Variants in XKR9 observed in about 807,000 individuals in gnomAD.
The protein encoded by XKR9 is XK related 9, also known as XK-related protein 9.
In XKR9, 32 loss-of-function variants were observed where a neutral mutation model predicts 32.0. That is an observed-to-expected ratio of 1.00 (90% confidence interval 0.76 to 1.34). XKR9 has a LOEUF of 1.34. Among genes scored for constraint, XKR9 ranks in the 40% most tolerant of loss-of-function variants. The pLI is 0.00. For synonymous variants in XKR9, 168 were observed against 143.4 expected, an observed-to-expected ratio of 1.17 and a Z score of -1.22; for missense variants, 546 against 429.7, an observed-to-expected ratio of 1.27 and a Z score of -2.39.
At chr8:70,691,686 C>T (rs1317133205) in intron 3 of XKR9, among the ~76,000 whole-genome samples, 3 of 151,924 alleles carry the variant, frequency 2.0e-5, no homozygotes, top group Non-Finnish European at 4.4e-5. Context: ...TTCCCCATTG[C>T]TTGTTTTTGT....
chr8:70,694,837 T>C (rs1308998432), intron 3 of XKR9, among the ~76,000 whole-genome samples: 1 of 152,230 alleles, frequency 6.6e-6, no homozygotes, highest in African/African-American at 2.4e-5. Flanking sequence ...AACATCCTAC[T>C]TTGCCATAGC....
chr8:70,705,386 G>A (rs1011619481), intron 3 of XKR9, among the ~76,000 whole-genome samples: 2 of 152,054 alleles, frequency 1.3e-5, no homozygotes, highest in African/African-American at 2.4e-5. Context: ...AATAATATAG[G>A]GTAAAGAGAT....
At chr8:70,722,054 C>T (rs886133790) in intron 4 of XKR9, among the ~76,000 whole-genome samples, 3 of 151,922 alleles carry the variant, frequency 2.0e-5, no homozygotes, top group South Asian at 2.1e-4. Context: ...ATATGTAATG[C>T]CCTTCTTTGT....
intron 2 of XKR9, among the ~76,000 whole-genome samples, chr8:70,756,684 A>G (rs1238856957): frequency 6.6e-6 from 1 of 152,208 alleles, no homozygotes; most frequent in Non-Finnish European, 1.5e-5. Context: ...GTATAGACAT[A>G]CTATTGATTT....
At position 70,735,327 on chromosome 8, in the gene XKR9, C is replaced by A. The variant is rs1806829416; in HGVS notation, c.*903C>A. 6.6e-6 allele frequency: 1 copy of A among 151,760 alleles called. No homozygotes were observed. The highest frequency in any genetic ancestry group is 1.5e-5 in the Non-Finnish European group (1 of 67,948). The allele number at this position is 151,760 out of a possible 1,614,324, so 9.4% of individuals were successfully genotyped here. A position where few individuals can be genotyped will look rare whatever the true frequency, so the allele number is the denominator to read the frequency against. Reference sequence around the variant, plus strand: ...TCTATGAGTTTGAATACTTTAGATACCTTGTTGCCATGGTTTGAATGTGCC... The same window carrying A: ...TCTATGAGTTTGAATACTTTAGATAACTTGTTGCCATGGTTTGAATGTGCC... On this transcript the variant is annotated 3_prime_UTR_variant, in exon 5 of 5. Coordinates refer to ENST00000408926, the MANE Select transcript of XKR9 (RefSeq NM_001011720.2).
chr8:70,844,735 G>A, the XKR9 span, among the ~76,000 whole-genome samples: 1 of 152,254 alleles, frequency 6.6e-6, no homozygotes, highest in Non-Finnish European at 1.5e-5. Flanking sequence ...CCAGCCTGCT[G>A]CTAATGCCAT....
At chr8:70,777,454 T>C (rs1457806972) in intron 2 of XKR9, among the ~76,000 whole-genome samples, 1 of 152,204 alleles carries the variant, frequency 6.6e-6, no homozygotes, top group East Asian at 1.9e-4. Context: ...TGATTTATAA[T>C]CCTTTGGGTA....
chr8:71,040,643 T>C, the XKR9 span, among the ~76,000 whole-genome samples: 14 of 152,158 alleles, frequency 9.2e-5, no homozygotes, highest in Admixed American at 9.2e-4. Context: ...TGTGTTCTGT[T>C]TCATCATTAT....
chr8:70,734,134 A>C lies in XKR9; in HGVS notation c.832A>C (p.Ile278Leu). ...GFILIFTFFNIKGQNTKCPMS... is the reference protein window; with the variant it reads ...GFILIFTFFNLKGQNTKCPMS... ...CATTCTTATCTTTACATTTTTTAAT[A>C]TTAAGGGACAGAATACCAAGTGTCC... Residue 278 changes from isoleucine to leucine, a missense_variant, in exon 5 of 5, where the codon ATT (isoleucine) becomes CTT (leucine). Transcript: ENST00000408926. 1.2e-6 allele frequency: 2 copies of C among 1,612,392 alleles called. No homozygotes were observed. The highest frequency in any genetic ancestry group is 3.3e-5 in the Admixed American group (2 of 59,878).
the XKR9 span, among the ~76,000 whole-genome samples, chr8:70,854,267 C>T: frequency 6.6e-6 from 1 of 152,208 alleles, no homozygotes; most frequent in Non-Finnish European, 1.5e-5. Flanking sequence ...TTGCATTTCT[C>T]TGATGGCCAG....
At chr8:70,898,732 T>C in the XKR9 span, among the ~76,000 whole-genome samples, 25 of 149,600 alleles carry the variant, frequency 1.7e-4, no homozygotes, top group Admixed American at 1.0e-3. Context: ...TTTTATATTA[T>C]TTTTCTTTAT....
chr8:70,879,856 C>T, the XKR9 span, among the ~76,000 whole-genome samples: 32 of 152,236 alleles, frequency 2.1e-4, no homozygotes, highest in African/African-American at 5.8e-4. Flanking sequence ...CCCTGATGAA[C>T]GTTGATGCGA....
chr8:70,860,249 G>C, the XKR9 span, among the ~76,000 whole-genome samples: 1 of 152,188 alleles, frequency 6.6e-6, no homozygotes, highest in East Asian at 1.9e-4. Flanking sequence ...GAGGTAATTA[G>C]TTCATGAAGG....
the XKR9 span, among the ~76,000 whole-genome samples, chr8:70,869,068 T>C: frequency 6.6e-6 from 1 of 152,158 alleles, no homozygotes; most frequent in Non-Finnish European, 1.5e-5. Context: ...GCACTGGACT[T>C]TATTTTCCAT....
chr8:70,945,236 T>C, the XKR9 span, among the ~76,000 whole-genome samples: 1 of 152,244 alleles, frequency 6.6e-6, no homozygotes, highest in Non-Finnish European at 1.5e-5. Flanking sequence ...AGTTACTTAA[T>C]TGATAAAGGT....
the XKR9 span, among the ~76,000 whole-genome samples, chr8:70,994,081 T>C: frequency 2.0e-5 from 3 of 152,170 alleles, no homozygotes; most frequent in Non-Finnish European, 2.9e-5. Context: ...CCTCCCAGCT[T>C]CTAGAACTAT....
chr8:70,785,015 G>C (rs1807664299), intron 2 of XKR9, among the ~76,000 whole-genome samples: 1 of 151,704 alleles, frequency 6.6e-6, no homozygotes, highest in African/African-American at 2.4e-5. Flanking sequence ...TATTGATAAT[G>C]CTGGCCTCAT....
At chr8:70,937,876 T>C in the XKR9 span, among the ~76,000 whole-genome samples, 2 of 152,074 alleles carry the variant, frequency 1.3e-5, no homozygotes, top group Admixed American at 6.6e-5. Context: ...ACCATTTTAT[T>C]TTCCCATTAT....
chr8:71,058,679 C>T, the XKR9 span, among the ~76,000 whole-genome samples: 1 of 152,140 alleles, frequency 6.6e-6, no homozygotes, highest in Non-Finnish European at 1.5e-5. Context: ...TGGCCCTAAT[C>T]CAATTCTATC....
Sources: allele counts gnomAD v4.1 joint callset (sites outside exome capture counted in the v4.1 genomes callset), GRCh38; gene constraint gnomAD v4.1.1; transcripts MANE v1.5; gene names NCBI Gene and HGNC (gene_info 2026-07-23, HGNC 2026-07-21).